PPFIA2: variants seen among roughly 807,000 people sequenced by gnomAD.
PPFIA2 encodes liprin-alpha-2.
PPFIA2 carries 46 observed loss-of-function variants against 175.5 expected under a neutral mutation model. That is an observed-to-expected ratio of 0.26 (90% CI 0.21 to 0.34). The LOEUF (loss-of-function observed/expected upper bound fraction) is 0.34, where lower values mean the gene tolerates loss of function less well. Among genes scored for constraint, PPFIA2 ranks in the 10% least tolerant of loss-of-function variants. The pLI, the probability that PPFIA2 is intolerant of heterozygous loss-of-function variation, is 1.00. For missense variants in PPFIA2, 1,179 were observed against 1,506.1 expected, an observed-to-expected ratio of 0.78 and a Z score of 3.60; for synonymous variants, 568 against 511.4, an observed-to-expected ratio of 1.11 and a Z score of -1.49.
intron 4 of PPFIA2, among the ~76,000 whole-genome samples, chr12:81,542,535 G>C (rs898583769): frequency 6.6e-6 from 1 of 152,132 alleles, no homozygotes; most frequent in Non-Finnish European, 1.5e-5. Flanking sequence ...TGCTCCATCT[G>C]CTGAGTGATC....
chr12:81,299,294 C>G lies in PPFIA2; in HGVS notation c.2724+7G>C. The G allele has an allele frequency of 6.3e-7, 1 of 1,586,664 alleles. No homozygotes were observed. The highest frequency in any genetic ancestry group is 8.6e-7 in the Non-Finnish European group (1 of 1,165,298). On this transcript the variant is annotated splice_region_variant and intron_variant, in intron 23 of 32. Transcript: ENST00000549396. The stretch of plus-strand genomic sequence containing the variant: ...GATTCAAGGGCCTCCTAGTTTCATT[C>G]TCTTACCTCTAGCCATGCGACCACA...
rs117214084 is a variant in PPFIA2, at chr12:81,631,068, T to C, written c.303+45723A>G. 9.4e-3 allele frequency among the ~76,000 whole-genome samples: 1,435 copies of C among 151,976 alleles called. 17 individuals are homozygous for C. Among genetic ancestry groups the C allele is most frequent in the Non-Finnish European group, 0.015 (1,025 of 67,958 alleles). ...CGCTACCATGCCAGGCTCATTTTTG[T>C]ATTTTTTTGTAGAGATAGAGTTTTG... On this transcript the variant is annotated intron_variant, in intron 4 of 32. Transcript: ENST00000549396.
At chr12:81,265,538 G>T (rs10161041) in intron 30 of PPFIA2, among the ~76,000 whole-genome samples, 74,236 of 151,798 alleles carry the variant, frequency 0.49, 18,537 homozygotes, top group Non-Finnish European at 0.54. Context: ...CAGCAAAACC[G>T]CAGAAATAAG....
chr12:81,465,223 G>A (rs2055389655), intron 4 of PPFIA2: 1 of 152,030 alleles, frequency 6.6e-6, no homozygotes, highest in South Asian at 2.1e-4. Context: ...AACTGACAAT[G>A]GCCTTATTTC....
At position 81,375,878 on chromosome 12, in the gene PPFIA2, G is replaced by A; in HGVS notation, c.1049C>T (p.Ala350Val). ...ATGTATGGAGGTAGATTCTCTCTGA[G>A]CACTGAGGTAACGCTTTTCAAGGGT... ...ITTLEKRYLS[A>V]QRESTSIHDM... The change falls in exon 10 of 33, where the codon GCT becomes GTT. Residue 350 changes from alanine (A) to valine (V), a missense_variant. Transcript: ENST00000549396. 1 of 1,611,308 alleles carries A rather than the reference G, an allele frequency of 6.2e-7. No individual in the cohort carries two copies. The highest frequency in any genetic ancestry group is 2.2e-5 in the East Asian group (1 of 44,760).
intron 4 of PPFIA2, among the ~76,000 whole-genome samples, chr12:81,516,973 C>T (rs1594342346): frequency 6.6e-6 from 1 of 152,246 alleles, no homozygotes; most frequent in East Asian, 1.9e-4. Context: ...TGTTGATAAT[C>T]TTAGACATGA....
intron 4 of PPFIA2, among the ~76,000 whole-genome samples, chr12:81,585,799 C>T (rs945917396): frequency 5.9e-5 from 9 of 151,760 alleles, no homozygotes; most frequent in Admixed American, 3.3e-4. Context: ...ATGTATAATC[C>T]AGTAACATAG....
chr12:81,508,416 G>A (rs1670527299), intron 4 of PPFIA2, among the ~76,000 whole-genome samples: 2 of 150,150 alleles, frequency 1.3e-5, no homozygotes, highest in African/African-American at 4.9e-5. Context: ...AGCTATTCGG[G>A]AGGCTGAGGC....
At chr12:81,425,669 C>A (rs2047018461) in intron 7 of PPFIA2, among the ~76,000 whole-genome samples, 1 of 152,080 alleles carries the variant, frequency 6.6e-6, no homozygotes, top group Non-Finnish European at 1.5e-5. Context: ...CCACTGCACC[C>A]AGCCCCTACA....
At chr12:81,417,902 C>T (rs2045589681) in intron 7 of PPFIA2, among the ~76,000 whole-genome samples, 1 of 151,656 alleles carries the variant, frequency 6.6e-6, no homozygotes, top group African/African-American at 2.4e-5. Flanking sequence ...ACTCTGCCTC[C>T]CTAAATCTCA....
intron 4 of PPFIA2, among the ~76,000 whole-genome samples, chr12:81,522,695 A>G (rs2153248451): frequency 6.6e-6 from 1 of 152,316 alleles, no homozygotes; most frequent in South Asian, 2.1e-4. Context: ...CTGCCGTCCA[A>G]ATTTTTCCTC....
At chr12:81,560,837 T>A (rs1210725871) in intron 4 of PPFIA2, among the ~76,000 whole-genome samples, 2 of 152,176 alleles carry the variant, frequency 1.3e-5, no homozygotes, top group Admixed American at 1.3e-4. Flanking sequence ...ACATACAAGC[T>A]TAAATTTATA....
chr12:81,267,198 C>CTTT (rs71309549), intron 29 of PPFIA2, 178 bp from the exon 30 acceptor site: 103 of 484,950 alleles, frequency 2.1e-4, no homozygotes, highest in South Asian at 4.8e-4. Flanking sequence ...AAAAACAGGG[C>CTTT]TTTTTTTTTT....
chr12:81,380,202 A>G (rs1231899847), intron 9 of PPFIA2, among the ~76,000 whole-genome samples: 1 of 152,024 alleles, frequency 6.6e-6, no homozygotes, highest in Non-Finnish European at 1.5e-5. Flanking sequence ...CTTTCTCTAC[A>G]AAAAACACAA....
chr12:81,614,808 T>A (rs1056606451), intron 4 of PPFIA2, among the ~76,000 whole-genome samples: 4 of 152,144 alleles, frequency 2.6e-5, no homozygotes, highest in African/African-American at 4.8e-5. Flanking sequence ...CTAGTAAATC[T>A]TCTAGAATAG....
chr12:81,268,895 G>A (rs1593444811), intron 28 of PPFIA2, among the ~76,000 whole-genome samples: 1 of 151,900 alleles, frequency 6.6e-6, no homozygotes, highest in African/African-American at 2.4e-5. Flanking sequence ...AGAACAGAAC[G>A]GTAAAATAAT....
Position 81,671,383 on chromosome 12 carries a change from A to G in PPFIA2, c.303+5408T>C, listed in dbSNP as rs556525498. ...ATTAACCATCTAATTTTTTTAAAAAATAATGTCAAGTTTCTCCTGTGATAT... is the reference window on the plus strand; with the variant it reads ...ATTAACCATCTAATTTTTTTAAAAAGTAATGTCAAGTTTCTCCTGTGATAT... On this transcript the variant is annotated intron_variant, in intron 4 of 32. Coordinates refer to ENST00000549396, the MANE Select transcript of PPFIA2 (RefSeq NM_003625.5). 1.1e-4 allele frequency among the ~76,000 whole-genome samples: 17 copies of G among 152,072 alleles called. No homozygotes were observed. In the South Asian group the frequency reaches 3.5e-3, roughly 32 times the overall value.
intron 4 of PPFIA2, among the ~76,000 whole-genome samples, chr12:81,474,647 C>T (rs2057252387): frequency 6.6e-6 from 1 of 152,150 alleles, no homozygotes; most frequent in African/African-American, 2.4e-5. Flanking sequence ...TAAATACATA[C>T]TAGCACCAGT....
intron 4 of PPFIA2, among the ~76,000 whole-genome samples, chr12:81,535,028 CA>C (rs1365697081): frequency 1.3e-5 from 2 of 151,580 alleles, no homozygotes; most frequent in African/African-American, 2.4e-5. Flanking sequence ...CACCATGCAA[CA>C]AGAAGATTTC....
Sources: gnomAD v4.1 joint callset for allele counts (sites outside exome capture counted in the v4.1 genomes callset) on GRCh38, gnomAD v4.1.1 for gene constraint, MANE v1.5 for transcripts, NCBI Gene and HGNC (gene_info 2026-07-23, HGNC 2026-07-21) for gene names.